PTPN11: variants seen among roughly 807,000 people sequenced by gnomAD.
PTPN11 encodes tyrosine-protein phosphatase non-receptor type 11.
A neutral mutation model predicts 78.8 loss-of-function variants in PTPN11; 6 were observed. The ratio of observed to expected loss-of-function variants is 0.08; its 90% CI spans 0.04 to 0.15. The LOEUF (loss-of-function observed/expected upper bound fraction) is 0.15. Among genes scored for constraint, PTPN11 ranks in the 10% least tolerant of loss-of-function variants. The pLI is 1.00. For missense variants in PTPN11, 386 were observed against 744.8 expected (o/e 0.52, Z 5.61); for synonymous variants, 221 against 263.5 (o/e 0.84, Z 1.56).
chr12:112,454,756 C>CAG (rs1299600744), intron 5 of PTPN11, 76 bp downstream of exon 5: 1 of 969,884 alleles, frequency 1.0e-6, no homozygotes, highest in African/African-American at 1.6e-5. Context: ...TGCAAACATA[C>CAG]AGAGGTAGAC....
At chr12:112,499,755 G>T (rs558339082) in intron 13 of PTPN11, among the ~76,000 whole-genome samples, 77 of 152,054 alleles carry the variant, frequency 5.1e-4, no homozygotes, top group Non-Finnish European at 9.9e-4. Context: ...TTTGAGACCA[G>T]TCTGGGCAAC....
Position 112,453,341 on chromosome 12 carries a change from G to T in PTPN11, c.479G>T (p.Ser160Ile). 1 of 1,614,080 alleles carries T rather than the reference G, an allele frequency of 6.2e-7. No individual in the cohort carries two copies. Among genetic ancestry groups the T allele is most frequent in the South Asian group, 1.1e-5 (1 of 91,084 alleles). The change falls in exon 4 of 16, where the codon AGC becomes ATC. Residue 160 changes from serine (S) to isoleucine (I), a missense_variant. By Grantham distance (142) the Ser-to-Ile change is moderately radical. Coordinates refer to ENST00000351677, the MANE Select transcript of PTPN11 (RefSeq NM_002834.5). ...SVRTGDDKGE[S>I]NDGKSKVTHV... is the part of the protein sequence containing the mutation. ...CGCACTGGTGATGACAAAGGGGAGA[G>T]CAATGACGGCAAGTCTAAAGTGACC...
chr12:112,502,360 C>G, intron 14 of PTPN11, 104 bp downstream of exon 14: 1 of 892,218 alleles, frequency 1.1e-6, no homozygotes, highest in East Asian at 2.4e-5. Context: ...ACATGCCTTT[C>G]ACTGGTGCAC....
At chr12:112,490,797 G>A (rs753605396) in intron 13 of PTPN11, among the ~76,000 whole-genome samples, 1 of 152,174 alleles carries the variant, frequency 6.6e-6, no homozygotes, top group Non-Finnish European at 1.5e-5. Context: ...TTTAAAAAAT[G>A]AAATCCTGCA....
chr12:112,503,565 T>C (rs985372149), intron 14 of PTPN11, among the ~76,000 whole-genome samples: 1 of 152,250 alleles, frequency 6.6e-6, no homozygotes, highest in Non-Finnish European at 1.5e-5. Flanking sequence ...TTTTTTCTTT[T>C]CTTTCCCAGT....
intron 1 of PTPN11, among the ~76,000 whole-genome samples, chr12:112,443,093 T>G (rs1374079172): frequency 6.6e-6 from 1 of 151,332 alleles, no homozygotes; most frequent in Non-Finnish European, 1.5e-5. Context: ...CAAGGACACT[T>G]GGTTACATAA....
chr12:112,475,541 G>T (rs1030842293), intron 7 of PTPN11, among the ~76,000 whole-genome samples: 1 of 151,870 alleles, frequency 6.6e-6, no homozygotes, highest in South Asian at 2.1e-4. Context: ...AGGCATGAGC[G>T]ACTGCACCTG....
intron 6 of PTPN11, among the ~76,000 whole-genome samples, chr12:112,464,839 T>C (rs1336023136): frequency 1.3e-5 from 2 of 152,204 alleles, no homozygotes; most frequent in African/African-American, 4.8e-5. Flanking sequence ...TGGGCTCAAG[T>C]GATCCTCCTG....
intron 1 of PTPN11, among the ~76,000 whole-genome samples, chr12:112,424,194 C>A (rs2037569749): frequency 6.6e-6 from 1 of 152,078 alleles, no homozygotes; most frequent in South Asian, 2.1e-4. Context: ...ATTGAGTATT[C>A]CAGGTTTTAG....
intron 11 of PTPN11, among the ~76,000 whole-genome samples, chr12:112,487,740 G>A (rs533654064): frequency 6.6e-6 from 1 of 152,048 alleles, no homozygotes; most frequent in East Asian, 1.9e-4. Flanking sequence ...GTTTTGTTTT[G>A]TTTTTAATTT....
At position 112,502,193 on chromosome 12, in the gene PTPN11, C is replaced by T. The variant is rs767712281; in HGVS notation, c.1649C>T (p.Ala550Val). The change falls in exon 14 of 16, where the codon GCG becomes GTG. Residue 550 changes from alanine (A) to valine (V), a missense_variant. Physicochemically the swap from Ala to Val is moderately conservative, Grantham distance 64. Coordinates refer to ENST00000351677, the MANE Select transcript of PTPN11 (RefSeq NM_002834.5). ...HEYTNIKYSL[A>V]DQTSGDQSPL... The stretch of plus-strand genomic sequence containing the variant: ...TATACAAATATTAAGTATTCTCTAG[C>T]GGACCAGACGAGTGGAGATCAGAGC... 8.1e-5 allele frequency: 131 copies of T among 1,613,742 alleles called. No homozygotes were observed. The highest frequency in any genetic ancestry group is 1.6e-4 in the Middle Eastern group (1 of 6,078).
rs1415569303 is a variant in PTPN11 at position 112,502,154 on chromosome 12, G to A, written c.1610G>A (p.Arg537Lys). ...RRIEEEQKSK[R>K]KGHEYTNIKY... is the part of the protein sequence containing the mutation. ...TCTTCCAAATTTCAGAAAAGCAAGA[G>A]GAAAGGGCACGAATATACAAATATT... Residue 537 changes from arginine (R) to lysine (K), a missense_variant, in exon 14 of 16, where the codon AGG becomes AAG. This residue lies in a region of PTPN11 where 63 missense variants were observed against 182.2 expected (regional missense o/e 0.35). Transcript: ENST00000351677. The A allele has an allele frequency of 6.2e-7, 1 of 1,613,120 alleles. No homozygotes were observed. Among genetic ancestry groups the A allele is most frequent in the South Asian group, 1.1e-5 (1 of 91,046 alleles).
In PTPN11 at chr12:112,509,510, A is replaced by C. The variant is rs2038975801; in HGVS notation, c.*3718A>C. 6.6e-6 allele frequency: 1 copy of C among 152,650 alleles called. No individual in the cohort carries two copies. The highest frequency in any genetic ancestry group is 1.5e-5 in the Non-Finnish European group (1 of 68,032). 9.5% of individuals were successfully genotyped at this position (152,650 alleles called of 1,614,324 possible). On this transcript the variant is annotated 3_prime_UTR_variant, in exon 16 of 16. Coordinates refer to ENST00000351677, the MANE Select transcript of PTPN11 (RefSeq NM_002834.5). The stretch of plus-strand genomic sequence containing the variant: ...CTAGACCTACAATTAATTTTCCTGC[A>C]GTATATGAAGTATTGTACCAGAGTA...
At chr12:112,426,327 C>T (rs910580182) in intron 1 of PTPN11, among the ~76,000 whole-genome samples, 11 of 152,036 alleles carry the variant, frequency 7.2e-5, no homozygotes, top group Admixed American at 4.6e-4. Flanking sequence ...CACCATCTTG[C>T]CTCACTGCAA....
chr12:112,451,321 A>G (rs949593716), intron 3 of PTPN11, among the ~76,000 whole-genome samples: 45 of 152,250 alleles, frequency 3.0e-4, no homozygotes, highest in African/African-American at 1.0e-3. Flanking sequence ...TCTAAATTTT[A>G]CTGTTTTCAG....
At chr12:112,465,579 G>C (rs953286780) in intron 6 of PTPN11, among the ~76,000 whole-genome samples, 1 of 152,048 alleles carries the variant, frequency 6.6e-6, no homozygotes, top group East Asian at 1.9e-4. Context: ...ACTGTCTCTC[G>C]GGCTTTCTTC....
Position 112,472,840 on chromosome 12 carries a change from C to T in PTPN11, c.757-104C>T, listed in dbSNP as rs1252275037. 8.3e-6 allele frequency: 8 copies of T among 964,676 alleles called. No individual in the cohort carries two copies. In the African/African-American group the frequency reaches 1.1e-4, roughly 14 times the overall value. 59.8% of individuals were successfully genotyped at this position (964,676 alleles called of 1,614,324 possible). ...TGTAGCTATCGCACACAATTCTGAA[C>T]ATTTCCTAGGATGAATTCCTTAAAG... On this transcript the variant is annotated intron_variant, in intron 6 of 15. Coordinates refer to ENST00000351677, the MANE Select transcript of PTPN11 (RefSeq NM_002834.5).
intron 8 of PTPN11, 44 bp downstream of exon 8, chr12:112,477,774 G>A: frequency 6.2e-7 from 1 of 1,604,608 alleles, no homozygotes; most frequent in Non-Finnish European, 8.5e-7. Context: ...TACATTTCTA[G>A]CCTATTTTTG....
chr12:112,440,335 A>T (rs981589905), intron 1 of PTPN11, among the ~76,000 whole-genome samples: 1 of 151,768 alleles, frequency 6.6e-6, no homozygotes, highest in Non-Finnish European at 1.5e-5. Context: ...GTGCAGTGGC[A>T]TGATCTCGGC....
Sources: allele counts gnomAD v4.1 joint callset (sites outside exome capture counted in the v4.1 genomes callset), GRCh38; gene constraint gnomAD v4.1.1; regional missense constraint gnomAD v4.1.1; transcripts MANE v1.5; gene names NCBI Gene and HGNC (gene_info 2026-07-23, HGNC 2026-07-21).